GLG1: variants seen among roughly 807,000 people sequenced by gnomAD.
GLG1 encodes the protein golgi glycoprotein 1.
GLG1 carries 38 observed loss-of-function variants against 160.5 expected under a neutral mutation model. The ratio of observed to expected loss-of-function variants is 0.24; its 90% CI spans 0.18 to 0.31. GLG1 has a LOEUF of 0.31. Among genes scored for constraint, GLG1 ranks in the 10% least tolerant of loss-of-function variants. The probability of loss-of-function intolerance (pLI) is 1.00; values close to 1 mark genes in which losing one functional copy is unlikely to be tolerated. For missense variants in GLG1, 1,373 were observed against 1,505.2 expected, an observed-to-expected ratio of 0.91 and a Z score of 1.45; for synonymous variants, 644 against 543.4, an observed-to-expected ratio of 1.19 and a Z score of -2.57.
At chr16:74,459,250 G>A (rs1026403939) in intron 23 of GLG1, among the ~76,000 whole-genome samples, 5 of 152,238 alleles carry the variant, frequency 3.3e-5, no homozygotes, top group Non-Finnish European at 7.4e-5. Flanking sequence ...AGGCCGAGGC[G>A]GGTGGATCAC....
At chr16:74,569,727 G>T (rs924904607) in intron 1 of GLG1, among the ~76,000 whole-genome samples, 12 of 152,030 alleles carry the variant, frequency 7.9e-5, no homozygotes, top group African/African-American at 2.9e-4. Flanking sequence ...GCTGGGCATG[G>T]TGGGGCTCAC....
chr16:74,533,895 G>C (rs1211535216), intron 1 of GLG1, among the ~76,000 whole-genome samples: 2 of 152,178 alleles, frequency 1.3e-5, no homozygotes, highest in Admixed American at 6.5e-5. Context: ...AAACATGCTA[G>C]TTTTAAAATA....
Position 74,485,814 on chromosome 16 carries a change from A to C in GLG1, c.1553T>G (p.Ile518Arg). 1.2e-6 allele frequency: 2 copies of C among 1,613,186 alleles called. No homozygotes were observed. Among genetic ancestry groups the C allele is most frequent in the South Asian group, 2.2e-5 (2 of 91,036 alleles). Residue 518 changes from isoleucine to arginine, a missense_variant, in exon 9 of 26, where the codon ATA (isoleucine) becomes AGA (arginine). Coordinates refer to ENST00000422840, the MANE Select transcript of GLG1 (RefSeq NM_001145667.2). ...AACTTACATTGGGTCTCCAGATCTT[A>C]TATGTTTGCAGGCTGTCTGGATTAC... ...ESVIQTACKH[I>R]RSGDPMILSC...
chr16:74,482,909 C>A, intron 10 of GLG1, 114 bp downstream of exon 10: 3 of 703,296 alleles, frequency 4.3e-6, no homozygotes. Context: ...GTTAGCTGTC[C>A]CAGAACTGAA....
At chr16:74,529,812 C>T (rs3973388) in intron 2 of GLG1, among the ~76,000 whole-genome samples, 80,401 of 116,358 alleles carry the variant, frequency 0.69, 28,382 homozygotes, top group East Asian at 0.83. Flanking sequence ...TTTGAGAGTT[C>T]TTTTTTTTTT....
intron 1 of GLG1, among the ~76,000 whole-genome samples, chr16:74,600,297 G>C (rs759950986): frequency 6.6e-6 from 1 of 151,304 alleles, no homozygotes; most frequent in Non-Finnish European, 1.5e-5. Context: ...GGAGGCTGAA[G>C]TGGGAGGAGA....
chr16:74,574,792 A>T (rs758930471), intron 1 of GLG1, among the ~76,000 whole-genome samples: 5 of 146,666 alleles, frequency 3.4e-5, no homozygotes, highest in Admixed American at 7.0e-5. Context: ...GCTGAGACAC[A>T]AGAATCTCTT....
intron 2 of GLG1, among the ~76,000 whole-genome samples, chr16:74,514,390 G>C (rs531798170): frequency 2.0e-5 from 3 of 152,326 alleles, no homozygotes; most frequent in Admixed American, 1.3e-4. Context: ...CAGCCAGAGA[G>C]AAAGGTCGGG....
chr16:74,602,363 A>G (rs1958457445), intron 1 of GLG1, among the ~76,000 whole-genome samples: 1 of 152,224 alleles, frequency 6.6e-6, no homozygotes, highest in African/African-American at 2.4e-5. Context: ...TTTAAATACA[A>G]AAACAAACAA....
In GLG1 at chr16:74,493,124, G is replaced by A. The variant is rs773827034; in HGVS notation, c.1067C>T (p.Thr356Ile). Residue 356 changes from threonine to isoleucine, a missense_variant, in exon 7 of 26, where the codon ACA (threonine) becomes ATA (isoleucine). Physicochemically the swap from Thr to Ile is moderately conservative, Grantham distance 89 (BLOSUM62 -1). Around this residue, in one of 4 missense-constraint regions of GLG1, gnomAD observed 174 missense variants for 229.9 expected, o/e 0.76. Coordinates refer to ENST00000422840, the MANE Select transcript of GLG1 (RefSeq NM_001145667.2). ...CTGGGCAATCAGCTTTTGGCGGGTT[G>A]TAAGTGCTTCTCGACACTGAGGAAA... ...SMSEKCREAL[T>I]TRQKLIAQDY... The A allele has an allele frequency of 6.8e-6, 11 of 1,611,608 alleles. No individual in the cohort carries two copies. Among genetic ancestry groups the A allele is most frequent in the African/African-American group, 5.3e-5 (4 of 74,922 alleles).
At chr16:74,548,687 T>C (rs2018115659) in intron 1 of GLG1, among the ~76,000 whole-genome samples, 1 of 152,022 alleles carries the variant, frequency 6.6e-6, no homozygotes, top group Non-Finnish European at 1.5e-5. Context: ...TATTAGATGA[T>C]CAATTCTTAG....
chr16:74,527,636 T>A (rs1412066555), intron 2 of GLG1, among the ~76,000 whole-genome samples: 1 of 152,184 alleles, frequency 6.6e-6, no homozygotes, highest in Non-Finnish European at 1.5e-5. Flanking sequence ...TCTGCTTCAA[T>A]TTGTGATCCT....
At chr16:74,550,783 T>C (rs2018177462) in intron 1 of GLG1, among the ~76,000 whole-genome samples, 3 of 152,208 alleles carry the variant, frequency 2.0e-5, no homozygotes, top group Non-Finnish European at 2.9e-5. Flanking sequence ...AGTGATACTA[T>C]AAATATAAAG....
chr16:74,542,232 C>G (rs1309881761), intron 1 of GLG1, among the ~76,000 whole-genome samples: 1 of 139,784 alleles, frequency 7.2e-6, no homozygotes, highest in African/African-American at 2.7e-5. Context: ...CTGAAGGGCA[C>G]CGTATGAATA....
intron 6 of GLG1, 54 bp from the exon 7 acceptor site, chr16:74,493,194 G>A: frequency 1.6e-6 from 2 of 1,226,206 alleles, no homozygotes; most frequent in African/African-American, 1.5e-5. Context: ...CTTTACTGTT[G>A]ACGTGTACCA....
chr16:74,579,313 G>C (rs978646305), intron 1 of GLG1, among the ~76,000 whole-genome samples: 1 of 152,050 alleles, frequency 6.6e-6, no homozygotes, highest in Non-Finnish European at 1.5e-5. Context: ...GGTGGTGGAG[G>C]CTGAGACAGG....
chr16:74,523,497 G>T (rs2017237977), intron 2 of GLG1, among the ~76,000 whole-genome samples: 1 of 152,042 alleles, frequency 6.6e-6, no homozygotes, highest in Non-Finnish European at 1.5e-5. Flanking sequence ...ATATGGGATT[G>T]CACAGAATCT....
At chr16:74,568,206 G>T (rs1242009189) in intron 1 of GLG1, among the ~76,000 whole-genome samples, 1 of 152,156 alleles carries the variant, frequency 6.6e-6, no homozygotes, top group Non-Finnish European at 1.5e-5. Flanking sequence ...AAGATGCCAA[G>T]TATCAATACC....
At chr16:74,506,581 C>CAAA (rs56175030) in intron 3 of GLG1, among the ~76,000 whole-genome samples, 6 of 39,050 alleles carry the variant, frequency 1.5e-4, no homozygotes, top group Admixed American at 5.2e-4. Flanking sequence ...GACTCCGTCT[C>CAAA]AAAAAAAAAA....
Sources: allele counts gnomAD v4.1 joint callset (sites outside exome capture counted in the v4.1 genomes callset), GRCh38; gene constraint gnomAD v4.1.1; regional missense constraint gnomAD v4.1.1; transcripts MANE v1.5; gene names NCBI Gene and HGNC (gene_info 2026-07-23, HGNC 2026-07-21).